CCDC7: variants seen among roughly 807,000 people sequenced by gnomAD.
CCDC7 encodes coiled-coil domain-containing protein 7.
CCDC7 carries 183 observed loss-of-function variants against 196.9 expected under a neutral mutation model. The observed-to-expected ratio is 0.93, with a 90% CI of 0.82 to 1.05. The LOEUF is 1.05. Among genes scored for constraint, CCDC7 ranks in the 50% least tolerant of loss-of-function variants. CCDC7 has a pLI of 0.00. For missense variants in CCDC7, 1,540 were observed against 1,482.2 expected, an observed-to-expected ratio of 1.04 and a Z score of -0.64; for synonymous variants, 525 against 484.6, an observed-to-expected ratio of 1.08 and a Z score of -1.10.
chr10:32,702,898 C>T (rs2079006310), intron 24 of CCDC7, among the ~76,000 whole-genome samples: 2 of 152,140 alleles, frequency 1.3e-5, no homozygotes, highest in African/African-American at 4.8e-5. Context: ...TTACTTTGAG[C>T]CTATGTGTGT....
At chr10:32,694,976 A>G (rs140708709) in exon 24 of CCDC7, 254 of 1,588,526 alleles carry the variant, frequency 1.6e-4, no homozygotes, top group Non-Finnish European at 2.0e-4. Context: ...AACTTCCTAG[A>G]GAGAAAAGAC....
rs556777510 is a variant in CCDC7, at chr10:32,521,002, G to A, written c.993+2497G>A. On this transcript the variant is annotated intron_variant, in intron 11 of 41. Transcript: ENST00000639629. ...TCTTTTCCCCCACTGTATGTTCTTG[G>A]CACCTTTCTTGAAAATGAGTTCATC... is the stretch of plus-strand genomic sequence containing the variant. 5.3e-5 allele frequency among the ~76,000 whole-genome samples: 8 copies of A among 152,048 alleles called. No homozygotes were observed. The South Asian group carries it at 1.7e-3, about 32-fold the overall frequency.
chr10:32,661,206 A>C (rs577079396), intron 20 of CCDC7, among the ~76,000 whole-genome samples: 3 of 150,744 alleles, frequency 2.0e-5, no homozygotes, highest in South Asian at 2.2e-4. Context: ...ATGCAGCCAA[A>C]AAACACATGA....
At chr10:32,673,021 ACT>A (rs2140818465) in intron 21 of CCDC7, among the ~76,000 whole-genome samples, 1 of 152,008 alleles carries the variant, frequency 6.6e-6, no homozygotes, top group South Asian at 2.1e-4. Context: ...CCATGTGGAT[ACT>A]CTGTTTCCCC....
At chr10:32,745,688 A>C (rs1255363417) in intron 28 of CCDC7, among the ~76,000 whole-genome samples, 1 of 152,122 alleles carries the variant, frequency 6.6e-6, no homozygotes, top group Non-Finnish European at 1.5e-5. Flanking sequence ...ATATCCAAAT[A>C]ATGTCAGCCA....
intron 21 of CCDC7, among the ~76,000 whole-genome samples, chr10:32,664,373 C>G (rs960134540): frequency 6.6e-6 from 1 of 151,946 alleles, no homozygotes; most frequent in Non-Finnish European, 1.5e-5. Context: ...ATTGAGAAGA[C>G]TTAAAATTTC....
At chr10:32,657,747 A>T (rs1184744715) in intron 20 of CCDC7, among the ~76,000 whole-genome samples, 1 of 152,148 alleles carries the variant, frequency 6.6e-6, no homozygotes, top group Non-Finnish European at 1.5e-5. Context: ...TACTTATGGA[A>T]ATTTCTGCAG....
At chr10:32,563,950 A>G (rs1207215599) in intron 13 of CCDC7, among the ~76,000 whole-genome samples, 7 of 152,354 alleles carry the variant, frequency 4.6e-5, no homozygotes, top group Middle Eastern at 3.4e-3. Context: ...CAACAAATTT[A>G]CAAGAAAAAA....
At chr10:32,574,336 AT>A in intron 16 of CCDC7, 1 of 701,002 alleles carries the variant, frequency 1.4e-6, no homozygotes, top group Non-Finnish European at 1.9e-6. Flanking sequence ...TATATTACAT[AT>A]TATATTATGT....
intron 25 of CCDC7, among the ~76,000 whole-genome samples, chr10:32,718,661 C>T (rs550739122): frequency 8.7e-4 from 133 of 152,126 alleles, no homozygotes; most frequent in Non-Finnish European, 9.1e-4. Context: ...AGCTGATAAG[C>T]AACTTCAGCA....
chr10:32,878,792 C>G (rs549312245), downstream of CCDC7, among the ~76,000 whole-genome samples: 47 of 152,224 alleles, frequency 3.1e-4, no homozygotes, highest in African/African-American at 1.1e-3. Flanking sequence ...GAGTATTTCT[C>G]TAGTCTTTTG....
At chr10:32,608,057 A>G (rs2061711264) in intron 18 of CCDC7, among the ~76,000 whole-genome samples, 1 of 152,026 alleles carries the variant, frequency 6.6e-6, no homozygotes, top group Non-Finnish European at 1.5e-5. Context: ...GTGTCCAGGC[A>G]TTTATTCATC....
At chr10:32,514,600 C>G (rs1331702698) in intron 9 of CCDC7, 1 of 151,950 alleles carries the variant, frequency 6.6e-6, no homozygotes, top group East Asian at 1.9e-4. Context: ...CATATGTGGT[C>G]TTTTATTACT....
intron 30 of CCDC7, 23 bp downstream of exon 31, chr10:32,805,121 A>C (rs992527210): frequency 1.3e-6 from 2 of 1,499,990 alleles, no homozygotes; most frequent in Non-Finnish European, 1.9e-6. Context: ...TTTTAAGTCT[A>C]ATATTTCTCA....
intron 31 of CCDC7, among the ~76,000 whole-genome samples, chr10:32,821,367 C>G (rs1195493470): frequency 6.6e-6 from 1 of 152,068 alleles, no homozygotes; most frequent in East Asian, 1.9e-4. Context: ...GTTGGTGGGA[C>G]TGTAAACTAG....
chr10:32,683,878 G>A (rs1368467329), intron 21 of CCDC7, among the ~76,000 whole-genome samples: 2 of 152,202 alleles, frequency 1.3e-5, no homozygotes, highest in Non-Finnish European at 2.9e-5. Flanking sequence ...CCTGGGACCT[G>A]CATGAAAAGC....
intron 30 of CCDC7, among the ~76,000 whole-genome samples, chr10:32,810,800 A>T (rs2086912027): frequency 6.6e-6 from 1 of 152,168 alleles, no homozygotes; most frequent in South Asian, 2.1e-4. Flanking sequence ...TTTAAAAATC[A>T]AAATCATATC....
chr10:32,845,940 A>G (rs772931292), exon 36 of CCDC7: 5 of 1,611,600 alleles, frequency 3.1e-6, no homozygotes, highest in African/African-American at 1.3e-5. Context: ...CAATCACTAC[A>G]CAACTGAAGA....
chr10:32,645,180 TA>T (rs1341143754), intron 20 of CCDC7, among the ~76,000 whole-genome samples: 1 of 152,160 alleles, frequency 6.6e-6, no homozygotes, highest in Non-Finnish European at 1.5e-5. Context: ...ATGGCTATTA[TA>T]AAAATGACAA....
Sources: allele counts gnomAD v4.1 joint callset (sites outside exome capture counted in the v4.1 genomes callset), GRCh38; gene constraint gnomAD v4.1.1; transcripts MANE v1.5; gene names NCBI Gene and HGNC (gene_info 2026-07-23, HGNC 2026-07-21).